The following PLPPR1 variants were observed in gnomAD, a reference collection of about 807,000 sequenced individuals.
PLPPR1 encodes phospholipid phosphatase related 1.
Under a neutral mutation model 33.1 loss-of-function variants are expected in PLPPR1, and 10 were observed. The observed-to-expected ratio is 0.30, with a 90% CI of 0.19 to 0.51. The LOEUF (loss-of-function observed/expected upper bound fraction) is 0.51, where lower values mean the gene tolerates loss of function less well. Among genes scored for constraint, PLPPR1 ranks in the 20% least tolerant of loss-of-function variants. PLPPR1 has a pLI of 0.97. For synonymous variants in PLPPR1, 151 were observed against 151.0 expected, an observed-to-expected ratio of 1.00 and a Z score of 0.00; for missense variants, 304 against 408.1, an observed-to-expected ratio of 0.74 and a Z score of 2.20.
At chr9:101,312,116 C>T (rs28398252) in intron 5 of PLPPR1, among the ~76,000 whole-genome samples, 18,745 of 152,134 alleles carry the variant, frequency 0.12, 1,329 homozygotes, top group South Asian at 0.18. Context: ...GTGGAACACA[C>T]AGAAAATTTT....
At chr9:101,162,463 G>A (rs1050290727) in intron 1 of PLPPR1, among the ~76,000 whole-genome samples, 1 of 152,150 alleles carries the variant, frequency 6.6e-6, no homozygotes, top group South Asian at 2.1e-4. Context: ...AACTTCCAAA[G>A]GCAAAGCAAA....
chr9:101,053,388 G>A (rs576098376), intron 1 of PLPPR1, among the ~76,000 whole-genome samples: 30 of 152,176 alleles, frequency 2.0e-4, no homozygotes, highest in Admixed American at 9.8e-4. Context: ...GAATTCCTTG[G>A]TTGGATCATT....
At chr9:101,226,251 A>G (rs531102172) in intron 2 of PLPPR1, among the ~76,000 whole-genome samples, 5 of 152,230 alleles carry the variant, frequency 3.3e-5, no homozygotes, top group African/African-American at 1.2e-4. Flanking sequence ...ACACACATGT[A>G]TGTGTGTTGA....
chr9:101,204,651 G>GGC (rs1826555730), intron 2 of PLPPR1, among the ~76,000 whole-genome samples: 1 of 152,144 alleles, frequency 6.6e-6, no homozygotes, highest in Admixed American at 6.5e-5. Flanking sequence ...GGGTCTTGAG[G>GGC]GCTCTGGGAG....
At chr9:101,320,415 A>G (rs1829132355) in intron 7 of PLPPR1, among the ~76,000 whole-genome samples, 1 of 152,224 alleles carries the variant, frequency 6.6e-6, no homozygotes. Flanking sequence ...GGTGTGAAAT[A>G]CATATTGATG....
chr9:101,143,560 A>G (rs1049979626), intron 1 of PLPPR1, among the ~76,000 whole-genome samples: 2 of 152,168 alleles, frequency 1.3e-5, no homozygotes, highest in South Asian at 4.1e-4. Context: ...AGAATCTACA[A>G]AGAACTTAAA....
chr9:101,074,662 T>A (rs1039384014), intron 1 of PLPPR1, among the ~76,000 whole-genome samples: 2 of 152,148 alleles, frequency 1.3e-5, no homozygotes, highest in African/African-American at 4.8e-5. Flanking sequence ...TTCATTCATT[T>A]ATTACCCACT....
intron 1 of PLPPR1, among the ~76,000 whole-genome samples, chr9:101,069,883 T>C (rs1830462435): frequency 6.6e-6 from 1 of 152,080 alleles, no homozygotes; most frequent in South Asian, 2.1e-4. Context: ...TAGGAGGACT[T>C]AGGGAAAGTG....
At chr9:101,089,891 G>C (rs1830722184) in intron 1 of PLPPR1, among the ~76,000 whole-genome samples, 1 of 152,088 alleles carries the variant, frequency 6.6e-6, no homozygotes, top group African/African-American at 2.4e-5. Flanking sequence ...TAGTTGTCCA[G>C]GGCTGCAGTA....
chr9:101,111,817 C>T (rs891218619), intron 1 of PLPPR1, among the ~76,000 whole-genome samples: 3 of 152,086 alleles, frequency 2.0e-5, no homozygotes, highest in East Asian at 1.9e-4. Context: ...TGAATCATAT[C>T]GTTTTAAGGT....
intron 7 of PLPPR1, among the ~76,000 whole-genome samples, chr9:101,320,403 T>G (rs1307417828): frequency 6.6e-6 from 1 of 152,194 alleles, no homozygotes; most frequent in African/African-American, 2.4e-5. Flanking sequence ...TGGCATCCAC[T>G]AGGTGTGAAA....
chr9:101,144,159 C>A (rs1023844657), intron 1 of PLPPR1, among the ~76,000 whole-genome samples: 3 of 151,986 alleles, frequency 2.0e-5, no homozygotes, highest in African/African-American at 7.3e-5. Context: ...AGCAAACTAT[C>A]ATAAGGACAG....
At chr9:101,187,294 T>A (rs981300203) in intron 2 of PLPPR1, 2 of 151,850 alleles carry the variant, frequency 1.3e-5, no homozygotes, top group African/African-American at 4.8e-5. Flanking sequence ...CAAAGTGAGA[T>A]GTTTAATTTA....
intron 1 of PLPPR1, among the ~76,000 whole-genome samples, chr9:101,077,567 A>T (rs1830554441): frequency 6.6e-6 from 1 of 152,192 alleles, no homozygotes; most frequent in Admixed American, 6.5e-5. Flanking sequence ...ATTAGTGTGC[A>T]GAAAATTTAT....
At chr9:101,150,754 C>T (rs811359) in intron 1 of PLPPR1, among the ~76,000 whole-genome samples, 71,295 of 151,974 alleles carry the variant, frequency 0.47, 17,223 homozygotes, top group Non-Finnish European at 0.53. Flanking sequence ...AAGAGCCACT[C>T]GGCTTGTTTC....
At chr9:101,183,821 A>G (rs1340351214) in intron 1 of PLPPR1, among the ~76,000 whole-genome samples, 1 of 151,640 alleles carries the variant, frequency 6.6e-6, no homozygotes, top group African/African-American at 2.4e-5. Context: ...TATATTCTCC[A>G]CTTTATTGTT....
At chr9:101,278,284 C>T (rs551499528) in intron 3 of PLPPR1, among the ~76,000 whole-genome samples, 50 of 152,104 alleles carry the variant, frequency 3.3e-4, no homozygotes, top group East Asian at 9.7e-4. Flanking sequence ...TTATTTATTG[C>T]GTACCACATG....
intron 1 of PLPPR1, among the ~76,000 whole-genome samples, chr9:101,133,420 T>C (rs1328090076): frequency 6.6e-6 from 1 of 152,196 alleles, no homozygotes; most frequent in Non-Finnish European, 1.5e-5. Flanking sequence ...TGGCCTCCAA[T>C]ATCAAATGGA....
At chr9:101,115,545 C>G (rs1410803244) in intron 1 of PLPPR1, among the ~76,000 whole-genome samples, 1 of 152,006 alleles carries the variant, frequency 6.6e-6, no homozygotes, top group Non-Finnish European at 1.5e-5. Context: ...TAAGAGAGGA[C>G]AAAGAATTGA....
Sources: gnomAD v4.1 joint callset for allele counts (sites outside exome capture counted in the v4.1 genomes callset) on GRCh38, gnomAD v4.1.1 for gene constraint, MANE v1.5 for transcripts, NCBI Gene and HGNC (gene_info 2026-07-23, HGNC 2026-07-21) for gene names.